TSHZ2: variants seen among roughly 807,000 people sequenced by gnomAD.
The protein encoded by TSHZ2 is teashirt homolog 2.
In TSHZ2, 21 loss-of-function variants were observed where a neutral mutation model predicts 74.4. The ratio of observed to expected loss-of-function variants is 0.28; its 90% CI spans 0.20 to 0.41. The LOEUF is 0.41. TSHZ2 is among the 10% of genes least tolerant of loss of function. The probability of loss-of-function intolerance (pLI) is 1.00; values close to 1 mark genes in which losing one functional copy is unlikely to be tolerated. For synonymous variants in TSHZ2, 540 were observed against 515.3 expected (o/e 1.05, Z -0.65); for missense variants, 1,244 against 1,293.5 (o/e 0.96, Z 0.59).
intron 1 of TSHZ2, among the ~76,000 whole-genome samples, chr20:53,036,685 G>C (rs200880977): frequency 1.1e-5 from 1 of 92,178 alleles, no homozygotes; most frequent in African/African-American, 4.5e-5. Context: ...TACATAATAT[G>C]TGTATGTATT....
intron 2 of TSHZ2, among the ~76,000 whole-genome samples, chr20:53,474,108 C>T (rs1187652722): frequency 6.7e-6 from 1 of 149,938 alleles, no homozygotes; most frequent in Non-Finnish European, 1.5e-5. Flanking sequence ...GGAGAACTTC[C>T]CCAATCTAGC....
At chr20:53,182,904 A>G (rs939933803) in intron 1 of TSHZ2, among the ~76,000 whole-genome samples, 3 of 152,168 alleles carry the variant, frequency 2.0e-5, no homozygotes, top group African/African-American at 7.2e-5. Flanking sequence ...AAGTCACCTC[A>G]TGGCGTTTTA....
rs58457116 is a variant in TSHZ2 at position 53,207,858 on chromosome 20, CTTTTTT to C, written c.41-45623_41-45618del. ...CATCGTGCCCAGATACATTGTTTTACTTTTTTTTTTTTTTTTTTTTTTTGATAAATG... is the reference window on the plus strand; with the variant it reads ...CATCGTGCCCAGATACATTGTTTTACTTTTTTTTTTTTTTTTTGATAAATG... On this transcript the variant is annotated intron_variant, in intron 1 of 2. Coordinates refer to ENST00000371497, the MANE Select transcript of TSHZ2 (RefSeq NM_173485.6). Among the ~76,000 whole-genome samples, 114 of 96,664 alleles carry C rather than the reference CTTTTTT, an allele frequency of 1.2e-3. No homozygotes were observed. The East Asian group carries it at 0.022, about 18-fold the overall frequency. 63.4% of individuals were successfully genotyped at this position (96,664 alleles called of 152,430 possible). A position where few individuals can be genotyped will look rare whatever the true frequency, so the allele number is the denominator to read the frequency against.
intron 2 of TSHZ2, among the ~76,000 whole-genome samples, chr20:53,446,292 G>A (rs188063538): frequency 1.8e-4 from 27 of 151,986 alleles, no homozygotes; most frequent in Non-Finnish European, 3.1e-4. Context: ...GGCCAGGCGC[G>A]GTGACTTACG....
intron 2 of TSHZ2, among the ~76,000 whole-genome samples, chr20:53,410,029 T>G (rs1221423739): frequency 2.0e-5 from 3 of 151,832 alleles, no homozygotes; most frequent in Non-Finnish European, 4.4e-5. Flanking sequence ...GTATTTTTAG[T>G]AGAGACAGGG....
intron 1 of TSHZ2, among the ~76,000 whole-genome samples, chr20:52,997,878 A>T (rs1982265043): frequency 1.3e-5 from 2 of 152,168 alleles, no homozygotes; most frequent in Admixed American, 6.5e-5. Context: ...TTTAGGATAA[A>T]CAGATGGCCT....
intron 1 of TSHZ2, among the ~76,000 whole-genome samples, chr20:53,092,834 T>G (rs1243847716): frequency 6.6e-6 from 1 of 152,164 alleles, no homozygotes; most frequent in Non-Finnish European, 1.5e-5. Flanking sequence ...ATTGGCAAAC[T>G]TTTTCTGTAA....
intron 1 of TSHZ2, among the ~76,000 whole-genome samples, chr20:52,978,577 C>A (rs1191987086): frequency 6.6e-6 from 1 of 152,140 alleles, no homozygotes; most frequent in Non-Finnish European, 1.5e-5. Flanking sequence ...GTATCATTTT[C>A]GTTTGATGCA....
intron 1 of TSHZ2, among the ~76,000 whole-genome samples, chr20:53,003,649 A>G (rs911403992): frequency 4.6e-5 from 7 of 152,168 alleles, no homozygotes; most frequent in South Asian, 2.1e-4. Flanking sequence ...CCTATCCACT[A>G]CATTAGGCAT....
At chr20:53,116,214 T>C (rs1986661822) in intron 1 of TSHZ2, among the ~76,000 whole-genome samples, 1 of 152,212 alleles carries the variant, frequency 6.6e-6, no homozygotes, top group African/African-American at 2.4e-5. Context: ...TATCATACTA[T>C]TTTAAATATT....
intron 1 of TSHZ2, among the ~76,000 whole-genome samples, chr20:52,990,201 G>GA (rs369202580): frequency 0.012 from 1,872 of 151,850 alleles, 47 homozygotes; most frequent in African/African-American, 0.043. Flanking sequence ...AATCATTTGG[G>GA]AAAAAAATAA....
At chr20:53,100,134 C>G (rs1172722807) in intron 1 of TSHZ2, among the ~76,000 whole-genome samples, 1 of 152,148 alleles carries the variant, frequency 6.6e-6, no homozygotes, top group Non-Finnish European at 1.5e-5. Flanking sequence ...ATCCTGGAGA[C>G]TCACTGAGAT....
chr20:53,237,172 T>C (rs946086787), intron 1 of TSHZ2, among the ~76,000 whole-genome samples: 5 of 152,188 alleles, frequency 3.3e-5, no homozygotes, highest in Non-Finnish European at 4.4e-5. Flanking sequence ...ATTGTAGATA[T>C]AGAAGTCATT....
chr20:53,455,429 A>C (rs1040243006), intron 2 of TSHZ2: 1 of 152,156 alleles, frequency 6.6e-6, no homozygotes, highest in Admixed American at 6.5e-5. Flanking sequence ...TTACTGAAGG[A>C]ATCTATGTTC....
At chr20:53,096,463 G>A (rs1312375919) in intron 1 of TSHZ2, among the ~76,000 whole-genome samples, 1 of 152,166 alleles carries the variant, frequency 6.6e-6, no homozygotes, top group African/African-American at 2.4e-5. Flanking sequence ...TTTAGTACAG[G>A]TGTGAGATTT....
At chr20:53,437,903 G>C (rs1296997522) in intron 2 of TSHZ2, among the ~76,000 whole-genome samples, 1 of 152,154 alleles carries the variant, frequency 6.6e-6, no homozygotes, top group East Asian at 1.9e-4. Flanking sequence ...TCTGCAGTGA[G>C]TAAAAGCTTC....
At chr20:53,300,464 CT>C (rs1283878805) in intron 2 of TSHZ2, among the ~76,000 whole-genome samples, 2 of 152,168 alleles carry the variant, frequency 1.3e-5, no homozygotes, top group Non-Finnish European at 2.9e-5. Flanking sequence ...TGATGTTCCC[CT>C]GGAAGAGATT....
chr20:53,239,112 G>A (rs1446486989), intron 1 of TSHZ2, among the ~76,000 whole-genome samples: 1 of 152,168 alleles, frequency 6.6e-6, no homozygotes, highest in East Asian at 1.9e-4. Flanking sequence ...CCTGTGCATT[G>A]TAGGATGTTT....
chr20:52,988,873 T>C (rs890319104), intron 1 of TSHZ2, among the ~76,000 whole-genome samples: 6 of 152,154 alleles, frequency 3.9e-5, no homozygotes, highest in African/African-American at 1.4e-4. Context: ...CTGTTCCTGA[T>C]AAATCTCTTG....
Sources: allele counts gnomAD v4.1 joint callset (sites outside exome capture counted in the v4.1 genomes callset), GRCh38; gene constraint gnomAD v4.1.1; transcripts MANE v1.5; gene names NCBI Gene and HGNC (gene_info 2026-07-23, HGNC 2026-07-21).